The following SLC25A10 variants were observed in gnomAD, a reference collection of about 807,000 sequenced individuals.
SLC25A10 encodes the protein solute carrier family 25 member 10.
Under a neutral mutation model 40.4 loss-of-function variants are expected in SLC25A10, and 32 were observed. That is an observed-to-expected ratio of 0.79 (90% CI 0.60 to 1.06). The LOEUF is 1.06. Among genes scored for constraint, SLC25A10 ranks in the 50% least tolerant of loss-of-function variants. SLC25A10 has a pLI of 0.00. For missense variants in SLC25A10, 394 were observed against 402.6 expected, an observed-to-expected ratio of 0.98 and a Z score of 0.18; for synonymous variants, 181 against 171.1, an observed-to-expected ratio of 1.06 and a Z score of -0.45.
rs374933831 is a variant in SLC25A10 at position 81,719,981 on chromosome 17, C to T, written c.768C>T (p.Leu256=). 34 of 1,613,712 alleles carry T rather than the reference C, an allele frequency of 2.1e-5. No homozygotes were observed. The highest frequency in any genetic ancestry group is 8.0e-5 in the African/African-American group (6 of 74,938). Residue 256 remains leucine (L), a synonymous_variant, in exon 11 of 11, where the codon CTC becomes CTT. Transcript: ENST00000350690. Reference sequence around the variant, plus strand: ...TTTTCCCTGTCTCCCTCCAGGGCCTCGTCCCAGCTGGCATCCGCCTCATCC... The same window carrying T: ...TTTTCCCTGTCTCCCTCCAGGGCCTTGTCCCAGCTGGCATCCGCCTCATCC... The part of the protein sequence containing the change: ...KLGPLAFYKG[L]VPAGIRLIPH...
chr17:81,712,407 G>A lies in SLC25A10; in HGVS notation c.-20G>A, dbSNP rs2037399031. On this transcript the variant is annotated 5_prime_UTR_variant, in exon 1 of 11. Transcript: ENST00000350690. ...CCGGGGTCGGGTTGTGGTCGGGCCG[G>A]GATTGGGCTCTCCTGGGCCATGGCA... 3 of 1,274,496 alleles carry A rather than the reference G, an allele frequency of 2.4e-6. No individual in the cohort carries two copies. The highest frequency in any genetic ancestry group is 3.0e-6 in the Non-Finnish European group (3 of 1,009,486). 78.9% of individuals were successfully genotyped at this position (1,274,496 alleles called of 1,614,324 possible).
intron 5 of SLC25A10, among the ~76,000 whole-genome samples, chr17:81,716,406 C>T (rs777452436): frequency 5.9e-5 from 9 of 152,196 alleles, no homozygotes; most frequent in Admixed American, 2.6e-4. Context: ...CCTCCTGCCA[C>T]GGCCTGGGGT....
chr17:81,716,847 C>T lies in SLC25A10; in HGVS notation c.455C>T (p.Ala152Val), dbSNP rs199587693. ...GCGCTGGATGGCCTGTACCGCGTAG[C>T]TCGTGAAGGTGAGGGGCAGGTGCTG... ...AHALDGLYRV[A>V]REEGLRRLFS... Residue 152 changes from alanine to valine, a missense_variant, in exon 6 of 11, where the codon GCT becomes GTT. Coordinates refer to ENST00000350690, the MANE Select transcript of SLC25A10 (RefSeq NM_012140.5). 144 of 1,611,146 alleles carry T rather than the reference C, an allele frequency of 8.9e-5. 1 individual carries two copies. The highest frequency in any genetic ancestry group is 8.3e-4 in the Middle Eastern group (5 of 6,046).
At chr17:81,713,711 A>G (rs1598760201) in intron 1 of SLC25A10, among the ~76,000 whole-genome samples, 1 of 152,244 alleles carries the variant, frequency 6.6e-6, no homozygotes, top group African/African-American at 2.4e-5. Context: ...CCCCTCCCCC[A>G]GGGCCTCTCC....
At position 81,715,722 on chromosome 17, in the gene SLC25A10, G is replaced by A. The variant is rs779125502; in HGVS notation, c.358G>A (p.Ala120Thr). The stretch of plus-strand genomic sequence containing the variant: ...AGCTGGAGGCTTCGTGGGGACGCCC[G>A]CAGACTTGGTCAACGTCAGGTTGGT... ...GLAGGFVGTP[A>T]DLVNVRMQND... The change falls in exon 4 of 11, where the codon GCA becomes ACA. Residue 120 changes from alanine to threonine, a missense_variant. Transcript: ENST00000350690. 19 of 1,613,340 alleles carry A rather than the reference G, an allele frequency of 1.2e-5. No individual in the cohort carries two copies. The highest frequency in any genetic ancestry group is 4.5e-5 in the East Asian group (2 of 44,868).
rs568708746 is a variant in SLC25A10 at position 81,716,728 on chromosome 17, G to A, written c.420-84G>A. 4.5e-5 allele frequency: 65 copies of A among 1,433,814 alleles called. No individual in the cohort carries two copies. In the Admixed American group the frequency reaches 4.6e-4, roughly 10 times the overall value. 88.8% of individuals were successfully genotyped at this position (1,433,814 alleles called of 1,614,324 possible). On this transcript the variant is annotated intron_variant, in intron 5 of 10. Coordinates refer to ENST00000350690, the MANE Select transcript of SLC25A10 (RefSeq NM_012140.5). The stretch of plus-strand genomic sequence containing the variant: ...GGCCTCTGCTTCCTCGAGAACCCCC[G>A]GCCTGCCTCGGGGCCTGGGAGGACC...
rs530097482 is a variant in SLC25A10, at chr17:81,715,748, G to T, written c.377+7G>T. ...CAGACTTGGTCAACGTCAGGTTGGT[G>T]TTCCCCCACCCCACCTGCAAGGCCA... On this transcript the variant is annotated splice_region_variant and intron_variant, in intron 4 of 10. Coordinates refer to ENST00000350690, the MANE Select transcript of SLC25A10 (RefSeq NM_012140.5). The T allele has an allele frequency of 1.9e-6, 3 of 1,613,200 alleles. No homozygotes were observed. The East Asian group carries it at 6.7e-5, about 36-fold the overall frequency.
rs551720683 is a variant in SLC25A10, at chr17:81,720,194, C to T, written c.*117C>T. ...TCCCTGGCCGTGGCCACCCGTCCTC[C>T]GCAGCAGGCCCCTGCTGTCCCCCCA... is the stretch of plus-strand genomic sequence containing the variant. On this transcript the variant is annotated 3_prime_UTR_variant, in exon 11 of 11. Coordinates refer to ENST00000350690, the MANE Select transcript of SLC25A10 (RefSeq NM_012140.5). 30 of 1,499,140 alleles carry T rather than the reference C, an allele frequency of 2.0e-5. No individual in the cohort carries two copies. The South Asian group carries it at 2.3e-4, about 12-fold the overall frequency. 92.9% of individuals were successfully genotyped at this position (1,499,140 alleles called of 1,614,324 possible).
At chr17:81,719,777 T>C (rs1366631021) in intron 9 of SLC25A10, 54 bp from the exon 10 acceptor site, 4 of 1,605,098 alleles carry the variant, frequency 2.5e-6, no homozygotes, top group Non-Finnish European at 3.4e-6. Flanking sequence ...GGGATTTTCG[T>C]TGCCTTTTGG....
chr17:81,717,289 C>A, intron 7 of SLC25A10, 110 bp from the exon 8 acceptor site: 1 of 1,170,404 alleles, frequency 8.5e-7, no homozygotes, highest in Non-Finnish European at 1.3e-6. Context: ...CACGGACGGA[C>A]AGACGGAGCA....
In SLC25A10 at chr17:81,715,587, T is replaced by A; in HGVS notation, c.323T>A (p.Val108Asp). 6.2e-7 allele frequency: 1 copy of A among 1,610,908 alleles called. No individual in the cohort carries two copies. Among genetic ancestry groups the A allele is most frequent in the Non-Finnish European group, 8.5e-7 (1 of 1,178,160 alleles). Residue 108 changes from valine (V) to aspartate (D), a missense_variant, in exon 3 of 11, where the codon GTC becomes GAC. Coordinates refer to ENST00000350690, the MANE Select transcript of SLC25A10 (RefSeq NM_012140.5). ...CACGAGAAGGTGTTGCTGGGCTCCG[T>A]CAGCGGTGAGCTGCCGGGCGGGAGG... ...PFHEKVLLGS[V>D]SGLAGGFVGT...
chr17:81,715,551 C>G lies in SLC25A10; in HGVS notation c.287C>G (p.Pro96Arg). 6.2e-7 allele frequency: 1 copy of G among 1,612,908 alleles called. No individual in the cohort carries two copies. The highest frequency in any genetic ancestry group is 8.5e-7 in the Non-Finnish European group (1 of 1,179,860). ...CGTGTGGCCAAGGGCAGCCAGGGGC[C>G]TCTCCCCTTCCACGAGAAGGTGTTG... ...RDRVAKGSQG[P>R]LPFHEKVLLG... Residue 96 changes from proline to arginine, a missense_variant, in exon 3 of 11, where the codon CCT becomes CGT. Physicochemically the swap from Pro to Arg is moderately radical, Grantham distance 103. Transcript: ENST00000350690.
chr17:81,717,360 G>A (rs1244329928), intron 7 of SLC25A10, 39 bp from the exon 8 acceptor site: 25 of 1,599,616 alleles, frequency 1.6e-5, no homozygotes, highest in Non-Finnish European at 2.1e-5. Context: ...CCAAGCTGGG[G>A]TCCCCCCTAC....
rs1195744911 is a variant in SLC25A10 at position 81,720,322 on chromosome 17, C to A, written c.*245C>A. The A allele has an allele frequency of 2.1e-6, 3 of 1,428,768 alleles. No individual in the cohort carries two copies. Among genetic ancestry groups the A allele is most frequent in the Non-Finnish European group, 2.7e-6 (3 of 1,096,848 alleles). 88.5% of individuals were successfully genotyped at this position (1,428,768 alleles called of 1,614,324 possible). ...CCCGGCTGGGCACTGCGTGGCCTTG[C>A]CCCTCTCCCGCTGGCAGCTCCTCAG... is the stretch of plus-strand genomic sequence containing the variant. On this transcript the variant is annotated 3_prime_UTR_variant, in exon 11 of 11. Transcript: ENST00000350690.
At chr17:81,716,951 G>GCCTGGCCTCACC in intron 6 of SLC25A10, 51 bp from the exon 7 acceptor site, 1 of 1,491,672 alleles carries the variant, frequency 6.7e-7, no homozygotes. Flanking sequence ...TGGGCCAGGT[G>GCCTGGCCTCACC]CCTGGCCTCA....
Position 81,717,028 on chromosome 17 carries a change from G to T in SLC25A10, c.490G>T (p.Ala164Ser). The T allele has an allele frequency of 1.9e-6, 3 of 1,613,744 alleles. No individual in the cohort carries two copies. The South Asian group carries it at 3.3e-5, about 18-fold the overall frequency. The change falls in exon 7 of 11, where the codon GCA becomes TCA. Residue 164 changes from alanine to serine, a missense_variant. Transcript: ENST00000350690. Reference sequence around the variant, plus strand: ...GGGTCTCAGGAGACTGTTCTCGGGTGCAACCATGGCATCCAGCCGAGGGGC... The same window carrying T: ...GGGTCTCAGGAGACTGTTCTCGGGTTCAACCATGGCATCCAGCCGAGGGGC... ...EEGLRRLFSG[A>S]TMASSRGALV...
rs775142884 is a variant in SLC25A10 at position 81,717,476 on chromosome 17, C to T, written c.612C>T (p.Val204=). ...YLSDNIFTHF[V]ASFIAGGCAT... is the part of the protein sequence containing the mutation. ...CTGACAACATCTTCACTCACTTTGT[C>T]GCCAGCTTTATTGCAGTAAGTGGCC... The change falls in exon 8 of 11, where the codon GTC becomes GTT. Residue 204 remains valine, a synonymous_variant. Transcript: ENST00000350690. 2.5e-5 allele frequency: 40 copies of T among 1,613,500 alleles called. No individual in the cohort carries two copies. The Admixed American group carries it at 2.8e-4, about 11-fold the overall frequency.
chr17:81,718,101 T>G (rs2037522628), intron 9 of SLC25A10, among the ~76,000 whole-genome samples: 1 of 152,194 alleles, frequency 6.6e-6, no homozygotes. Flanking sequence ...ACCCCAGCAC[T>G]TTGGGAGCCT....
Position 81,716,820 on chromosome 17 carries a change from A to T in SLC25A10, c.428A>T (p.His143Leu). 1.2e-6 allele frequency: 2 copies of T among 1,609,074 alleles called. No homozygotes were observed. Among genetic ancestry groups the T allele is most frequent in the Non-Finnish European group, 1.7e-6 (2 of 1,178,114 alleles). Residue 143 changes from histidine (H) to leucine (L), a missense_variant, in exon 6 of 11, where the codon CAT (histidine) becomes CTT (leucine). Transcript: ENST00000350690. ...TTCTGTGTCCCCGGCAGCTACGCCC[A>T]TGCGCTGGATGGCCTGTACCGCGTA... ...LPQGQRRNYA[H>L]ALDGLYRVAR...
Sources: allele counts gnomAD v4.1 joint callset (sites outside exome capture counted in the v4.1 genomes callset), GRCh38; gene constraint gnomAD v4.1.1; transcripts MANE v1.5; gene names NCBI Gene and HGNC (gene_info 2026-07-23, HGNC 2026-07-21).